The following GALNT13 variants were observed in gnomAD, a reference collection of about 807,000 sequenced individuals.
GALNT13 encodes polypeptide N-acetylgalactosaminyltransferase 13.
GALNT13 carries 28 observed loss-of-function variants against 64.2 expected under a neutral mutation model. The observed-to-expected ratio is 0.44, with a 90% CI of 0.32 to 0.60. GALNT13 has a LOEUF of 0.60. Ranked by LOEUF, GALNT13 falls within the 20% of genes least tolerant of loss-of-function variation. The pLI is 0.05. For missense variants in GALNT13, 577 were observed against 669.8 expected (o/e 0.86, Z 1.53); for synonymous variants, 214 against 224.6 (o/e 0.95, Z 0.42).
the GALNT13 span, among the ~76,000 whole-genome samples, chr2:153,387,387 T>C: frequency 6.6e-6 from 1 of 152,002 alleles, no homozygotes; most frequent in African/African-American, 2.4e-5. Context: ...CACCAATGGG[T>C]ACTTTTATTT....
chr2:153,552,163 G>A, the GALNT13 span, among the ~76,000 whole-genome samples: 1 of 152,198 alleles, frequency 6.6e-6, no homozygotes, highest in African/African-American at 2.4e-5. Flanking sequence ...ACTGAAAAGA[G>A]AAGTTTCAGT....
the GALNT13 span, among the ~76,000 whole-genome samples, chr2:153,788,315 C>T: frequency 1.3e-5 from 2 of 152,198 alleles, no homozygotes; most frequent in East Asian, 3.9e-4. Flanking sequence ...AAAAGTAACT[C>T]CAACCAAGAC....
At chr2:153,432,716 G>T in the GALNT13 span, among the ~76,000 whole-genome samples, 36 of 151,978 alleles carry the variant, frequency 2.4e-4, no homozygotes, top group African/African-American at 8.2e-4. Flanking sequence ...TTTTGGCTGG[G>T]GGGTGGGGAG....
chr2:153,414,738 T>A, the GALNT13 span, among the ~76,000 whole-genome samples: 5 of 152,198 alleles, frequency 3.3e-5, no homozygotes, highest in African/African-American at 1.2e-4. Context: ...AATACTCTTA[T>A]CAGTTTTTCC....
intron 1 of GALNT13, among the ~76,000 whole-genome samples, chr2:153,899,931 A>ATTT (rs770440085): frequency 8.8e-5 from 9 of 102,562 alleles, no homozygotes; most frequent in East Asian, 3.0e-4. Flanking sequence ...ATATATATAT[A>ATTT]TATATTTTTT....
intron 1 of GALNT13, among the ~76,000 whole-genome samples, chr2:153,887,361 A>G (rs72863611): frequency 0.077 from 11,583 of 150,046 alleles, 505 homozygotes; most frequent in East Asian, 0.13. Flanking sequence ...GGCCTGCTTA[A>G]CCGATTTTCG....
intron 3 of GALNT13, among the ~76,000 whole-genome samples, chr2:154,026,998 A>G (rs1039108962): frequency 5.9e-5 from 9 of 152,210 alleles, no homozygotes; most frequent in East Asian, 1.9e-4. Context: ...CTGAAAAGGT[A>G]GGGTGAAGGA....
chr2:153,243,137 C>T, the GALNT13 span, among the ~76,000 whole-genome samples: 7 of 152,204 alleles, frequency 4.6e-5, no homozygotes, highest in African/African-American at 1.7e-4. Flanking sequence ...ACATCCCCAC[C>T]CTCCACTGAG....
intron 12 of GALNT13, among the ~76,000 whole-genome samples, chr2:154,442,506 G>T (rs907214689): frequency 3.9e-5 from 6 of 152,024 alleles, no homozygotes; most frequent in African/African-American, 1.4e-4. Context: ...TACCTACGTG[G>T]TCTGGAAGCT....
the GALNT13 span, among the ~76,000 whole-genome samples, chr2:153,491,283 T>C: frequency 6.6e-6 from 1 of 151,752 alleles, no homozygotes; most frequent in Admixed American, 6.6e-5. Flanking sequence ...TAAGAAAAAA[T>C]GTGAAGCTTC....
chr2:153,967,465 C>T (rs1202033571), intron 3 of GALNT13, among the ~76,000 whole-genome samples: 1 of 152,142 alleles, frequency 6.6e-6, no homozygotes, highest in Non-Finnish European at 1.5e-5. Flanking sequence ...CCCCCATAAG[C>T]CCAGGAACAC....
the GALNT13 span, among the ~76,000 whole-genome samples, chr2:153,862,617 T>A: frequency 6.6e-6 from 1 of 152,104 alleles, no homozygotes; most frequent in Non-Finnish European, 1.5e-5. Flanking sequence ...CAATTTTTCC[T>A]TTTTTATGTG....
At chr2:153,698,569 A>G in the GALNT13 span, among the ~76,000 whole-genome samples, 3 of 152,308 alleles carry the variant, frequency 2.0e-5, no homozygotes, top group Non-Finnish European at 4.4e-5. Flanking sequence ...TGCACCAAAT[A>G]CAGTACACCC....
chr2:153,395,204 T>C, the GALNT13 span, among the ~76,000 whole-genome samples: 1 of 152,126 alleles, frequency 6.6e-6, no homozygotes, highest in African/African-American at 2.4e-5. Flanking sequence ...GCAACATAAA[T>C]TGGTCAAGAG....
intron 4 of GALNT13, among the ~76,000 whole-genome samples, chr2:154,213,835 C>G (rs1687905605): frequency 6.6e-6 from 1 of 152,118 alleles, no homozygotes; most frequent in African/African-American, 2.4e-5. Flanking sequence ...TACCTAAAAT[C>G]AATTCTCATG....
chr2:154,338,342 G>A (rs1695567426), intron 9 of GALNT13, among the ~76,000 whole-genome samples: 1 of 151,570 alleles, frequency 6.6e-6, no homozygotes, highest in Non-Finnish European at 1.5e-5. Context: ...GTCTTTCATT[G>A]TTTTTTTTCC....
chr2:153,397,199 A>G, the GALNT13 span, among the ~76,000 whole-genome samples: 1 of 152,180 alleles, frequency 6.6e-6, no homozygotes, highest in Non-Finnish European at 1.5e-5. Context: ...TTAGTATCAG[A>G]AAGTAAAAGG....
chr2:153,974,012 T>C (rs578258130), intron 3 of GALNT13, among the ~76,000 whole-genome samples: 37 of 152,194 alleles, frequency 2.4e-4, no homozygotes, highest in African/African-American at 8.2e-4. Flanking sequence ...TTATAGACTT[T>C]TACTTTGAAC....
chr2:153,660,194 T>C, the GALNT13 span, among the ~76,000 whole-genome samples: 2 of 152,164 alleles, frequency 1.3e-5, no homozygotes, highest in African/African-American at 4.8e-5. Flanking sequence ...AGGTTGTCCA[T>C]TAAACTTCTC....
Sources: allele counts gnomAD v4.1 joint callset (sites outside exome capture counted in the v4.1 genomes callset), GRCh38; gene constraint gnomAD v4.1.1; transcripts MANE v1.5; gene names NCBI Gene and HGNC (gene_info 2026-07-23, HGNC 2026-07-21).